DNER: variants seen among roughly 807,000 people sequenced by gnomAD.
The protein encoded by DNER is delta/notch like EGF repeat containing.
DNER carries 33 observed loss-of-function variants against 78.2 expected under a neutral mutation model. The ratio of observed to expected loss-of-function variants is 0.42; its 90% CI spans 0.32 to 0.56. The LOEUF is 0.56. Among genes scored for constraint, DNER ranks in the 20% least tolerant of loss-of-function variants. The pLI is 0.11. For synonymous variants in DNER, 417 were observed against 384.8 expected, an observed-to-expected ratio of 1.08 and a Z score of -0.98; for missense variants, 918 against 975.3, an observed-to-expected ratio of 0.94 and a Z score of 0.78.
chr2:229,431,255 G>A (rs1393134992), intron 8 of DNER, among the ~76,000 whole-genome samples: 2 of 152,142 alleles, frequency 1.3e-5, no homozygotes, highest in Non-Finnish European at 2.9e-5. Context: ...GGGACTATAT[G>A]GAAGACGACA....
At chr2:229,631,122 G>T (rs993133653) in intron 1 of DNER, among the ~76,000 whole-genome samples, 3 of 152,154 alleles carry the variant, frequency 2.0e-5, no homozygotes, top group African/African-American at 7.2e-5. Context: ...CTTTTTGGTA[G>T]AATAATTTAT....
chr2:229,496,256 CA>C (rs1695499470), intron 6 of DNER, among the ~76,000 whole-genome samples: 1 of 152,262 alleles, frequency 6.6e-6, no homozygotes, highest in African/African-American at 2.4e-5. Context: ...AATTACACTT[CA>C]TTAAAATTTT....
chr2:229,478,377 C>A (rs1050033565), intron 6 of DNER, among the ~76,000 whole-genome samples: 1 of 152,176 alleles, frequency 6.6e-6, no homozygotes, highest in African/African-American at 2.4e-5. Context: ...AGATGATTCA[C>A]CTGAGCTTCA....
At chr2:229,702,842 G>A (rs566096678) in intron 1 of DNER, among the ~76,000 whole-genome samples, 12 of 151,596 alleles carry the variant, frequency 7.9e-5, no homozygotes, top group Admixed American at 3.9e-4. Context: ...GTGTGAACAC[G>A]GGAGGTAGAG....
At chr2:229,586,461 T>A in intron 3 of DNER, among the ~76,000 whole-genome samples, 1 of 44,450 alleles carries the variant, frequency 2.2e-5, no homozygotes. Context: ...CACAATCACA[T>A]ACAATCCACC....
intron 5 of DNER, among the ~76,000 whole-genome samples, chr2:229,529,207 T>A (rs77817291): frequency 0.029 from 4,354 of 152,154 alleles, 77 homozygotes; most frequent in Middle Eastern, 0.065. Flanking sequence ...TTTTTTTTTT[T>A]AATCCCCAAA....
intron 10 of DNER, among the ~76,000 whole-genome samples, chr2:229,396,057 C>T (rs1436482895): frequency 6.6e-6 from 1 of 152,120 alleles, no homozygotes; most frequent in African/African-American, 2.4e-5. Context: ...ACCTAAGAGT[C>T]ATGTCTTTGG....
intron 7 of DNER, among the ~76,000 whole-genome samples, chr2:229,458,641 AC>A (rs201405511): frequency 8.1e-6 from 1 of 123,272 alleles, no homozygotes; most frequent in African/African-American, 4.1e-5. Flanking sequence ...TAGGGTATAT[AC>A]AAAAAAAAAA....
At chr2:229,403,649 C>G (rs1470907979) in intron 10 of DNER, among the ~76,000 whole-genome samples, 1 of 152,100 alleles carries the variant, frequency 6.6e-6, no homozygotes, top group Non-Finnish European at 1.5e-5. Context: ...ATGTTTAAAC[C>G]TACTTCAGTG....
chr2:229,624,771 C>A (rs1698308284), intron 1 of DNER, among the ~76,000 whole-genome samples: 1 of 152,230 alleles, frequency 6.6e-6, no homozygotes, highest in Non-Finnish European at 1.5e-5. Context: ...CACTCCCAGG[C>A]AGTCTTGACA....
In DNER at chr2:229,650,069, C is replaced by T. The variant is rs548716245; in HGVS notation, c.277-58181G>A. Among the ~76,000 whole-genome samples the T allele has an allele frequency of 7.8e-5, 9 of 116,104 alleles. No individual in the cohort carries two copies. In the East Asian group the frequency reaches 1.5e-3, roughly 19 times the overall value. 76.2% of individuals were successfully genotyped at this position (116,104 alleles called of 152,430 possible). On this transcript the variant is annotated intron_variant, in intron 1 of 12. Transcript: ENST00000341772. ...CAGCCTGGGTGACAGAGCAAGACTC[C>T]GTCAAAAAAAAAAAAAAAAAAAAGA...
chr2:229,523,305 G>A lies in DNER; in HGVS notation c.994-10369C>T, dbSNP rs573249492. Among the ~76,000 whole-genome samples, 17 of 152,296 alleles carry A rather than the reference G, an allele frequency of 1.1e-4. No individual in the cohort carries two copies. The South Asian group carries it at 1.9e-3, about 17-fold the overall frequency. ...TCTGTATTCGTTTGCTAGGGCTGCC[G>A]TAACGAAGTATCACAGAGTAGGTGG... On this transcript the variant is annotated intron_variant, in intron 5 of 12. Transcript: ENST00000341772.
intron 1 of DNER, among the ~76,000 whole-genome samples, chr2:229,676,064 G>C (rs529713767): frequency 1.0e-3 from 157 of 152,324 alleles, no homozygotes; most frequent in African/African-American, 3.7e-3. Context: ...CTGTTACACT[G>C]TTCCAAGCAC....
intron 8 of DNER, among the ~76,000 whole-genome samples, chr2:229,441,403 C>T (rs73101812): frequency 0.033 from 5,032 of 152,134 alleles, 271 homozygotes; most frequent in African/African-American, 0.12. Context: ...AGTTTATTAC[C>T]CATTGCAGTT....
At chr2:229,575,851 A>C (rs1290346198) in intron 4 of DNER, among the ~76,000 whole-genome samples, 2 of 152,218 alleles carry the variant, frequency 1.3e-5, no homozygotes, top group African/African-American at 4.8e-5. Context: ...TTTAAATCCT[A>C]AAATCCATTA....
chr2:229,650,932 T>C (rs1698805743), intron 1 of DNER, among the ~76,000 whole-genome samples: 1 of 152,162 alleles, frequency 6.6e-6, no homozygotes, highest in Admixed American at 6.5e-5. Flanking sequence ...AGAGGACACA[T>C]GTCAGTTTTG....
chr2:229,451,706 C>T (rs1291587316), intron 7 of DNER, among the ~76,000 whole-genome samples: 3 of 152,146 alleles, frequency 2.0e-5, no homozygotes, highest in African/African-American at 7.2e-5. Context: ...AGTGCTTACA[C>T]GTCTCCTACA....
At chr2:229,473,616 A>G (rs1694973978) in intron 7 of DNER, among the ~76,000 whole-genome samples, 1 of 152,236 alleles carries the variant, frequency 6.6e-6, no homozygotes. Flanking sequence ...TAAATTATTT[A>G]CCAAATATTA....
chr2:229,477,063 CA>C, intron 7 of DNER, 76 bp downstream of exon 7: 3 of 1,192,212 alleles, frequency 2.5e-6, no homozygotes, highest in Non-Finnish European at 3.5e-6. Context: ...TTTGCAGAAA[CA>C]AAGTATAAGG....
Sources: allele counts gnomAD v4.1 joint callset (sites outside exome capture counted in the v4.1 genomes callset), GRCh38; gene constraint gnomAD v4.1.1; transcripts MANE v1.5; gene names NCBI Gene and HGNC (gene_info 2026-07-23, HGNC 2026-07-21).